DPP6: variants seen among roughly 807,000 people sequenced by gnomAD.
DPP6 encodes the protein A-type potassium channel modulatory protein DPP6.
In DPP6, 69 loss-of-function variants were observed where a neutral mutation model predicts 122.6. The observed-to-expected ratio is 0.56, with a 90% CI of 0.46 to 0.69. The LOEUF is 0.69. Ranked by LOEUF, DPP6 falls within the 30% of genes least tolerant of loss-of-function variation. DPP6 has a pLI of 0.00. For synonymous variants in DPP6, 418 were observed against 433.1 expected (o/e 0.97, Z 0.43); for missense variants, 928 against 1,116.9 (o/e 0.83, Z 2.41).
chr7:154,314,448 T>C (rs902833524), intron 1 of DPP6, among the ~76,000 whole-genome samples: 3 of 152,216 alleles, frequency 2.0e-5, no homozygotes, highest in African/African-American at 7.2e-5. Flanking sequence ...TGTTTGACTT[T>C]TAAAGCTTCT....
At position 154,711,604 on chromosome 7, in the gene DPP6, A is replaced by G. The variant is rs999260063; in HGVS notation, c.763-16163A>G. On this transcript the variant is annotated intron_variant, in intron 7 of 25. Transcript: ENST00000377770. ...TGTTGAATAACCTGCTCACAGCTGG[A>G]CAGCTAGTAGTTTCAGACTGGAATT... is the stretch of plus-strand genomic sequence containing the variant. Among the ~76,000 whole-genome samples, 26 of 152,162 alleles carry G rather than the reference A, an allele frequency of 1.7e-4. 1 individual carries two copies. The highest frequency in any genetic ancestry group is 7.9e-4 in the Admixed American group (12 of 15,278).
At chr7:154,139,265 C>T (rs1230492442) in intron 1 of DPP6, among the ~76,000 whole-genome samples, 1 of 129,850 alleles carries the variant, frequency 7.7e-6, no homozygotes, top group African/African-American at 3.1e-5. Flanking sequence ...AACCAGGGAA[C>T]CTGAAGGTGT....
At chr7:154,553,106 G>C (rs1343592792) in intron 4 of DPP6, among the ~76,000 whole-genome samples, 1 of 152,224 alleles carries the variant, frequency 6.6e-6, no homozygotes, top group African/African-American at 2.4e-5. Flanking sequence ...TAAGAAAGGG[G>C]TTTGTAGAAG....
chr7:154,409,170 C>G (rs1480160950), intron 1 of DPP6, among the ~76,000 whole-genome samples: 2 of 152,120 alleles, frequency 1.3e-5, no homozygotes, highest in African/African-American at 4.8e-5. Context: ...CCCAATACCT[C>G]AGAATGTGAC....
intron 1 of DPP6, among the ~76,000 whole-genome samples, chr7:154,186,545 G>A (rs1283793819): frequency 2.6e-5 from 4 of 152,192 alleles, no homozygotes; most frequent in Non-Finnish European, 5.9e-5. Context: ...TCCTGCAGAC[G>A]CACAATGCAC....
chr7:153,903,704 TC>T lies in DPP6; in HGVS notation c.51+15971del, dbSNP rs577095205. Among the ~76,000 whole-genome samples the T allele has an allele frequency of 4.7e-4, 71 of 152,342 alleles. 1 individual carries two copies. The South Asian group carries it at 0.014, about 31-fold the overall frequency. On this transcript the variant is annotated intron_variant, in intron 1 of 25. Coordinates refer to the DPP6 transcript ENST00000404039. ...TATCCGATGTTTCCATTCTCTGGTC[TC>T]TACTTGTGACTTTGCTTTTTATTTT...
At chr7:154,543,993 CAAAAAAAAAA>C (rs35853479) in intron 4 of DPP6, among the ~76,000 whole-genome samples, 1 of 68,884 alleles carries the variant, frequency 1.5e-5, no homozygotes, top group African/African-American at 5.5e-5. Context: ...GACTCCATCT[CAAAAAAAAAA>C]AAAAAAAAAA....
the DPP6 span, among the ~76,000 whole-genome samples, chr7:153,843,044 A>ACACGTGCG: frequency 1.3e-5 from 2 of 152,096 alleles, no homozygotes; most frequent in Admixed American, 6.5e-5. Context: ...ACATGCATAC[A>ACACGTGCG]CACATGAGTG....
chr7:154,036,721 G>A (rs1799555160), intron 1 of DPP6, among the ~76,000 whole-genome samples: 1 of 151,834 alleles, frequency 6.6e-6, no homozygotes, highest in Non-Finnish European at 1.5e-5. Flanking sequence ...CTAGGAAGTG[G>A]GATTTCCAAG....
intron 1 of DPP6, among the ~76,000 whole-genome samples, chr7:154,270,094 G>A (rs552359758): frequency 9.2e-5 from 14 of 152,282 alleles, no homozygotes; most frequent in African/African-American, 3.4e-4. Flanking sequence ...TTCCCATCGA[G>A]TTAAAGGGGG....
At chr7:154,576,406 C>T (rs1314499454) in intron 5 of DPP6, among the ~76,000 whole-genome samples, 1 of 152,130 alleles carries the variant, frequency 6.6e-6, no homozygotes, top group Non-Finnish European at 1.5e-5. Context: ...AATTCAGGGC[C>T]TTTGAACTCA....
the DPP6 span, among the ~76,000 whole-genome samples, chr7:153,771,610 G>A: frequency 6.6e-6 from 1 of 152,140 alleles, no homozygotes; most frequent in Non-Finnish European, 1.5e-5. Flanking sequence ...AAAGTGCTGG[G>A]GTTACAGGCA....
intron 1 of DPP6, among the ~76,000 whole-genome samples, chr7:154,060,107 T>C (rs72617392): frequency 0.63 from 87,326 of 137,944 alleles, 25,315 homozygotes; most frequent in South Asian, 0.72. Flanking sequence ...GAGGCAATCC[T>C]CCCGAGGCGG....
intron 1 of DPP6, among the ~76,000 whole-genome samples, chr7:154,191,038 C>G (rs1798591772): frequency 6.6e-6 from 1 of 152,066 alleles, no homozygotes; most frequent in South Asian, 2.1e-4. Context: ...AATAAAAGAG[C>G]AACTGCTATT....
intron 7 of DPP6, among the ~76,000 whole-genome samples, chr7:154,686,649 C>T (rs1839624915): frequency 6.6e-6 from 1 of 152,144 alleles, no homozygotes; most frequent in African/African-American, 2.4e-5. Context: ...GAGGGTGGGT[C>T]AGTTATCCAG....
intron 1 of DPP6, among the ~76,000 whole-genome samples, chr7:154,294,144 T>G (rs985463204): frequency 3.3e-5 from 5 of 152,202 alleles, no homozygotes; most frequent in Admixed American, 6.5e-5. Flanking sequence ...TTATCTTACC[T>G]GGTCCCTGCC....
At chr7:154,016,225 C>T (rs1436422779) in intron 1 of DPP6, among the ~76,000 whole-genome samples, 1 of 152,118 alleles carries the variant, frequency 6.6e-6, no homozygotes, top group Non-Finnish European at 1.5e-5. Context: ...CTTCTCAACA[C>T]GTATCACTAT....
At chr7:154,580,150 TAC>T (rs35398601) in intron 5 of DPP6, among the ~76,000 whole-genome samples, 6,009 of 138,656 alleles carry the variant, frequency 0.043, 420 homozygotes, top group African/African-American at 0.15. Flanking sequence ...CTCTCCCCCT[TAC>T]ACACACACAC....
chr7:154,825,180 T>A (rs377259878), intron 16 of DPP6, among the ~76,000 whole-genome samples: 1 of 152,202 alleles, frequency 6.6e-6, no homozygotes, highest in Admixed American at 6.5e-5. Flanking sequence ...TCAGCCTTGC[T>A]TACAAGCTAC....
Sources: allele counts gnomAD v4.1 joint callset (sites outside exome capture counted in the v4.1 genomes callset), GRCh38; gene constraint gnomAD v4.1.1; transcripts MANE v1.5; gene names NCBI Gene and HGNC (gene_info 2026-07-23, HGNC 2026-07-21).